Variants in NKD1 observed in about 807,000 individuals in gnomAD.
NKD1 encodes NKD inhibitor of Wnt signaling pathway 1.
In NKD1, 21 loss-of-function variants were observed where a neutral mutation model predicts 56.0. That is an observed-to-expected ratio of 0.38 (90% CI 0.27 to 0.54). The LOEUF is 0.54. NKD1 is among the 20% of genes least tolerant of loss of function. NKD1 has a pLI of 0.82. For synonymous variants in NKD1, 263 were observed against 265.7 expected, an observed-to-expected ratio of 0.99 and a Z score of 0.10; for missense variants, 578 against 642.7, an observed-to-expected ratio of 0.90 and a Z score of 1.09.
intron 3 of NKD1, among the ~76,000 whole-genome samples, chr16:50,583,517 A>G (rs1961163569): frequency 6.6e-6 from 1 of 152,226 alleles, no homozygotes; most frequent in South Asian, 2.1e-4. Flanking sequence ...CTGCAACCAC[A>G]CAAGACTCAG....
intron 3 of NKD1, chr16:50,562,263 C>T: frequency 7.2e-6 from 7 of 976,582 alleles, no homozygotes; most frequent in Non-Finnish European, 8.5e-6. Context: ...AGGCCATGGT[C>T]CTGTTTCTTA....
At chr16:50,560,742 A>G (rs1960605733) in intron 3 of NKD1, among the ~76,000 whole-genome samples, 1 of 152,016 alleles carries the variant, frequency 6.6e-6, no homozygotes, top group African/African-American at 2.4e-5. Flanking sequence ...ATATAGTAAG[A>G]GTAAATATTG....
chr16:50,588,644 C>T (rs1376884601), intron 3 of NKD1, among the ~76,000 whole-genome samples: 1 of 145,350 alleles, frequency 6.9e-6, no homozygotes, highest in Non-Finnish European at 1.5e-5. Flanking sequence ...GCTCTGTTGC[C>T]CAGGTTGGAG....
At chr16:50,563,549 C>G (rs12926374) in intron 3 of NKD1, among the ~76,000 whole-genome samples, 40 of 133,344 alleles carry the variant, frequency 3.0e-4, no homozygotes, top group Middle Eastern at 0.012. Flanking sequence ...AGCCCTGGAC[C>G]CATGGAGAAG....
At chr16:50,578,675 C>T (rs6500320) in intron 3 of NKD1, among the ~76,000 whole-genome samples, 1 of 152,222 alleles carries the variant, frequency 6.6e-6, no homozygotes, top group Admixed American at 6.5e-5. Context: ...TCTGAGAAAT[C>T]TGTGAGAGCA....
At chr16:50,577,313 C>T (rs1367457983) in intron 3 of NKD1, among the ~76,000 whole-genome samples, 1 of 152,026 alleles carries the variant, frequency 6.6e-6, no homozygotes, top group African/African-American at 2.4e-5. Context: ...ATAAGTCATT[C>T]TTTATTTTAA....
At position 50,636,744 on chromosome 16, in the gene NKD1, T is replaced by G. The variant is rs1962476730; in HGVS notation, c.*2963T>G. 6.6e-6 allele frequency: 1 copy of G among 152,268 alleles called. No individual in the cohort carries two copies. The highest frequency in any genetic ancestry group is 6.5e-5 in the Admixed American group (1 of 15,290). 9.4% of individuals were successfully genotyped at this position (152,268 alleles called of 1,614,324 possible). ...TTTCTATATCTTCCCATATGCATTT[T>G]GTTAATTTTTAAAGTATTTCAAACA... On this transcript the variant is annotated 3_prime_UTR_variant, in exon 10 of 10. Transcript: ENST00000268459.
chr16:50,556,240 C>G (rs993444283), intron 3 of NKD1: 1 of 152,316 alleles, frequency 6.6e-6, no homozygotes, highest in African/African-American at 2.4e-5. Flanking sequence ...CGAAGGGCAG[C>G]CTGGTGATGC....
intron 3 of NKD1, chr16:50,574,549 G>A (rs186093042): frequency 6.1e-6 from 6 of 985,424 alleles, no homozygotes; most frequent in Admixed American, 6.1e-5. Context: ...GCAGTGCAGC[G>A]TGGTCTCGCC....
intron 3 of NKD1, among the ~76,000 whole-genome samples, chr16:50,585,052 G>C (rs895854914): frequency 6.6e-6 from 1 of 152,224 alleles, no homozygotes; most frequent in East Asian, 1.9e-4. Context: ...CAGATTTGGG[G>C]TATGCTGCTT....
In NKD1 at chr16:50,549,553, C is replaced by T. The variant is rs779163866; in HGVS notation, c.190C>T (p.Arg64Trp). Residue 64 changes from arginine to tryptophan, a missense_variant and splice_region_variant, in exon 3 of 10, where the codon CGG becomes TGG. Arg to Trp is a moderately radical substitution (Grantham distance 101). Transcript: ENST00000268459. ...GGCGGGCACCATAGGCCGAAGCACC[C>T]GGGTATGATTCCCCACCCCTGCCCC... ...RLAGTIGRSTRELVGDVLRDT... is the reference protein window; with the variant it reads ...RLAGTIGRSTWELVGDVLRDT... The T allele has an allele frequency of 9.5e-6, 15 of 1,583,982 alleles. No homozygotes were observed. The highest frequency in any genetic ancestry group is 1.3e-5 in the Non-Finnish European group (15 of 1,162,664).
intron 3 of NKD1, among the ~76,000 whole-genome samples, chr16:50,590,596 T>C (rs1961344419): frequency 1.3e-5 from 2 of 152,068 alleles, no homozygotes; most frequent in African/African-American, 4.8e-5. Flanking sequence ...TCCCAGCAAC[T>C]CCACAAGGCA....
intron 3 of NKD1, chr16:50,571,415 A>C (rs1026845681): frequency 1.1e-6 from 1 of 887,998 alleles, no homozygotes; most frequent in Non-Finnish European, 1.3e-6. Flanking sequence ...GTTGGTAGGG[A>C]CCTTGGGAGT....
At chr16:50,574,668 C>G (rs941716366) in intron 3 of NKD1, 2 of 985,328 alleles carry the variant, frequency 2.0e-6, no homozygotes, top group African/African-American at 3.5e-5. Flanking sequence ...GGTCCCCTCC[C>G]CACCTCCTTG....
At chr16:50,627,193 C>T (rs1376588119) in intron 6 of NKD1, among the ~76,000 whole-genome samples, 1 of 152,122 alleles carries the variant, frequency 6.6e-6, no homozygotes, top group African/African-American at 2.4e-5. Context: ...AAATTTGGTC[C>T]GGGGTCTGAC....
chr16:50,632,405 C>G lies in NKD1; in HGVS notation c.820C>G (p.Pro274Ala). ...GIENYTSQFG[P>A]GSPSVAQKSE... ...AGAAAACTACACGTCCCAATTTGGG[C>G]CTGGTAAGGGACTCAAGCACCCTGC... Residue 274 changes from proline to alanine, a missense_variant, in exon 9 of 10, where the codon CCT becomes GCT. By Grantham distance (27) the Pro-to-Ala change is conservative. Coordinates refer to ENST00000268459, the MANE Select transcript of NKD1 (RefSeq NM_033119.5). This position sits in a 1 kb window ranked among gnomAD's most constrained non-coding sequence, Gnocchi z 4.1. 3 of 1,614,090 alleles carry G rather than the reference C, an allele frequency of 1.9e-6. No individual in the cohort carries two copies. The highest frequency in any genetic ancestry group is 2.5e-6 in the Non-Finnish European group (3 of 1,179,966).
rs1366800665 is a variant in NKD1, at chr16:50,646,374, G to GT, written c.*12593_*12594insT. Reference sequence around the variant, plus strand: ...AAAAAGACGAGGAAGAAAAAGAGGGGGGGGGGAGAGAGAACGAAGGCTAAC... The same window carrying GT: ...AAAAAGACGAGGAAGAAAAAGAGGGGTGGGGGGAGAGAGAACGAAGGCTAAC... On this transcript the variant is annotated 3_prime_UTR_variant, in exon 10 of 10. Coordinates refer to ENST00000268459, the MANE Select transcript of NKD1 (RefSeq NM_033119.5). The GT allele has an allele frequency of 6.7e-6, 1 of 150,366 alleles. No homozygotes were observed. The highest frequency in any genetic ancestry group is 2.4e-5 in the African/African-American group (1 of 40,980). 9.3% of individuals were successfully genotyped at this position (150,366 alleles called of 1,614,324 possible). A position where few individuals can be genotyped will look rare whatever the true frequency, so the allele number is the denominator to read the frequency against.
At chr16:50,548,964 C>A in intron 2 of NKD1, 1 of 968,028 alleles carries the variant, frequency 1.0e-6, no homozygotes, top group Non-Finnish European at 1.2e-6. Flanking sequence ...ACCGCTGACC[C>A]TCAACCCCTC....
Position 50,643,614 on chromosome 16 carries a change from A to G in NKD1, c.*9833A>G, listed in dbSNP as rs916183381. 31 of 152,246 alleles carry G rather than the reference A, an allele frequency of 2.0e-4. No individual in the cohort carries two copies. The highest frequency in any genetic ancestry group is 7.5e-4 in the African/African-American group (31 of 41,470). The allele number at this position is 152,246 out of a possible 1,614,324, so 9.4% of individuals were successfully genotyped here. ...GATTCTCACTCATCGCAGTAGTTAC[A>G]TCTTATAAAGTCACCTCTGACACTG... On this transcript the variant is annotated 3_prime_UTR_variant, in exon 10 of 10. Coordinates refer to ENST00000268459, the MANE Select transcript of NKD1 (RefSeq NM_033119.5).
Sources: allele counts gnomAD v4.1 joint callset (sites outside exome capture counted in the v4.1 genomes callset), GRCh38; gene constraint gnomAD v4.1.1; non-coding constraint Gnocchi (gnomAD v3.1); transcripts MANE v1.5; gene names NCBI Gene and HGNC (gene_info 2026-07-23, HGNC 2026-07-21).